Variants in APLP2 observed in about 807,000 individuals in gnomAD.
APLP2 encodes the protein CDEI box-binding protein.
Under a neutral mutation model 89.9 loss-of-function variants are expected in APLP2, and 53 were observed. The ratio of observed to expected loss-of-function variants is 0.59; its 90% CI spans 0.47 to 0.74. The LOEUF is 0.74. APLP2 is among the 30% of genes least tolerant of loss of function. APLP2 has a pLI of 0.00. For synonymous variants in APLP2, 372 were observed against 348.6 expected (o/e 1.07, Z -0.75); for missense variants, 973 against 975.9 (o/e 1.00, Z 0.04).
chr11:130,110,843 C>T (rs1348376973), intron 3 of APLP2, among the ~76,000 whole-genome samples, 182 bp downstream of exon 3: 1 of 152,134 alleles, frequency 6.6e-6, no homozygotes, highest in African/African-American at 2.4e-5. Flanking sequence ...GACCTCCTCT[C>T]AGTGATGGCT....
At chr11:130,070,938 A>AGGGGGC (rs1422606612) in intron 1 of APLP2, among the ~76,000 whole-genome samples, 4 of 42,746 alleles carry the variant, frequency 9.4e-5, no homozygotes, top group South Asian at 1.5e-3. Flanking sequence ...AGGCCGCGGG[A>AGGGGGC]GGGGGCGGGG....
At chr11:130,099,603 G>A (rs1389511977) in intron 1 of APLP2, among the ~76,000 whole-genome samples, 1 of 152,210 alleles carries the variant, frequency 6.6e-6, no homozygotes, top group South Asian at 2.1e-4. Context: ...TCTTTTAAAT[G>A]TATTAAATCA....
At chr11:130,119,618 C>G (rs1949598756) in intron 3 of APLP2, among the ~76,000 whole-genome samples, 1 of 152,156 alleles carries the variant, frequency 6.6e-6, no homozygotes, top group Non-Finnish European at 1.5e-5. Flanking sequence ...TATCTTTCTC[C>G]CGACTTTTTG....
chr11:130,113,489 T>C (rs1332412050), intron 3 of APLP2, among the ~76,000 whole-genome samples: 2 of 152,222 alleles, frequency 1.3e-5, no homozygotes, highest in African/African-American at 2.4e-5. Context: ...GACAACTTAG[T>C]AACCAGTCGG....
At chr11:130,086,089 C>G (rs1944066502) in intron 1 of APLP2, among the ~76,000 whole-genome samples, 1 of 152,212 alleles carries the variant, frequency 6.6e-6, no homozygotes, top group Non-Finnish European at 1.5e-5. Context: ...TATAGTAATT[C>G]TGTGCTTAAA....
intron 1 of APLP2, among the ~76,000 whole-genome samples, chr11:130,092,814 G>C (rs1945608403): frequency 6.6e-6 from 1 of 151,952 alleles, no homozygotes; most frequent in African/African-American, 2.4e-5. Flanking sequence ...GGAAGGGAGA[G>C]ATGCCTATGA....
intron 1 of APLP2, among the ~76,000 whole-genome samples, chr11:130,085,104 A>G (rs1028519594): frequency 1.3e-5 from 2 of 152,252 alleles, no homozygotes; most frequent in African/African-American, 4.8e-5. Context: ...ATGAAGAAAT[A>G]GAAAACTTGA....
rs530996420 is a variant in APLP2 at position 130,084,139 on chromosome 11, G to A, written c.105+14057G>A. Among the ~76,000 whole-genome samples, 130 of 152,168 alleles carry A rather than the reference G, an allele frequency of 8.5e-4. 2 individuals are homozygous for A. The Middle Eastern group carries it at 0.01, about 12-fold the overall frequency. Reference sequence around the variant, plus strand: ...CGGGTGCCTGTAGTCCCAGCTACTCGGGAGGCTGAGGCAGGAGAATGGCGT... The same window carrying A: ...CGGGTGCCTGTAGTCCCAGCTACTCAGGAGGCTGAGGCAGGAGAATGGCGT... On this transcript the variant is annotated intron_variant, in intron 1 of 16. Transcript: ENST00000338167.
rs565648156 is a variant in APLP2 at position 130,087,654 on chromosome 11, A to G, written c.105+17572A>G. 4.6e-5 allele frequency among the ~76,000 whole-genome samples: 7 copies of G among 152,342 alleles called. No homozygotes were observed. In the East Asian group the frequency reaches 1.4e-3, roughly 29 times the overall value. ...ATATTTAACACCATGGCAGGTTTCA[A>G]GTGAACCAAAAACCACATTTCATAG... On this transcript the variant is annotated intron_variant, in intron 1 of 16. Coordinates refer to ENST00000338167, the MANE Select transcript of APLP2 (RefSeq NM_001142276.2).
chr11:130,087,504 T>C (rs1002573809), intron 1 of APLP2, among the ~76,000 whole-genome samples: 4 of 152,118 alleles, frequency 2.6e-5, no homozygotes, highest in Non-Finnish European at 5.9e-5. Context: ...TGAGTATGGG[T>C]CTCCATTTTG....
At position 130,141,507 on chromosome 11, in the gene APLP2, G is replaced by C. The variant is rs776057355; in HGVS notation, c.1933G>C (p.Glu645Gln). Reference protein sequence around the residue: ...NKVDENMVIDETLDVKEMIFN... With the variant: ...NKVDENMVIDQTLDVKEMIFN... The stretch of plus-strand genomic sequence containing the variant: ...CTCATGACTGTTTCAGGTCATTGAC[G>C]AGACTCTGGATGTTAAGGAAATGAT... The change falls in exon 15 of 17, where the codon GAG becomes CAG. Residue 645 changes from glutamate to glutamine, a missense_variant. Transcript: ENST00000338167. This position sits in a 1 kb window ranked among gnomAD's most constrained non-coding sequence, Gnocchi z 4.2. 6.8e-6 allele frequency: 11 copies of C among 1,613,948 alleles called. No homozygotes were observed. The highest frequency in any genetic ancestry group is 5.9e-6 in the Non-Finnish European group (7 of 1,179,942).
chr11:130,129,986 T>A, intron 10 of APLP2, 52 bp from the exon 11 acceptor site: 2 of 1,585,624 alleles, frequency 1.3e-6, no homozygotes, highest in Non-Finnish European at 1.7e-6. Flanking sequence ...TTTTCCTGCC[T>A]ATTTTCAATT....
Position 130,076,855 on chromosome 11 carries a change from G to A in APLP2, c.105+6773G>A, listed in dbSNP as rs1024545861. Among the ~76,000 whole-genome samples the A allele has an allele frequency of 3.3e-5, 5 of 152,326 alleles. No individual in the cohort carries two copies. The East Asian group carries it at 7.7e-4, about 24-fold the overall frequency. ...CCCTCAGGTGTCACTGGATAGAAGT[G>A]TATCAGATGCTTCTAGCCAAAGCAA... On this transcript the variant is annotated intron_variant, in intron 1 of 16. Transcript: ENST00000338167.
At chr11:130,112,466 C>T (rs918005826) in intron 3 of APLP2, among the ~76,000 whole-genome samples, 6 of 152,134 alleles carry the variant, frequency 3.9e-5, no homozygotes, top group African/African-American at 1.4e-4. Context: ...GTTGTTGGGT[C>T]TAAGGTGACA....
intron 1 of APLP2, among the ~76,000 whole-genome samples, chr11:130,102,805 G>T (rs2135708430): frequency 1.3e-5 from 2 of 152,312 alleles, no homozygotes; most frequent in African/African-American, 4.8e-5. Context: ...TTACCAAGTT[G>T]AATTTCTGTC....
At chr11:130,073,532 A>G (rs1376995886) in intron 1 of APLP2, among the ~76,000 whole-genome samples, 1 of 152,218 alleles carries the variant, frequency 6.6e-6, no homozygotes, top group African/African-American at 2.4e-5. Context: ...TTTTCAATTA[A>G]AAATGTTTTA....
At chr11:130,104,085 C>T (rs553342951) in intron 1 of APLP2, among the ~76,000 whole-genome samples, 26 of 152,008 alleles carry the variant, frequency 1.7e-4, no homozygotes, top group South Asian at 1.5e-3. Context: ...TTTCAGTACA[C>T]GAAAATATCC....
intron 10 of APLP2, 136 bp downstream of exon 10, chr11:130,129,342 G>A: frequency 3.9e-6 from 4 of 1,019,066 alleles, no homozygotes; most frequent in South Asian, 3.4e-5. Context: ...TGATGAGGGA[G>A]GAAAAGGTAT....
In APLP2 at chr11:130,083,026, C is replaced by CTT. The variant is rs553962550; in HGVS notation, c.105+12970_105+12971dup. Among the ~76,000 whole-genome samples the CTT allele has an allele frequency of 1.3e-3, 96 of 72,514 alleles. 1 individual carries two copies. The highest frequency in any genetic ancestry group is 4.7e-3 in the East Asian group (10 of 2,116). 47.6% of individuals were successfully genotyped at this position (72,514 alleles called of 152,430 possible). On this transcript the variant is annotated intron_variant, in intron 1 of 16. Transcript: ENST00000338167. ...TATTAACCACTGAAACTTTTCTTTT[C>CTT]TTTTTTTTTTTTTTTTTTTTTTTTT...
Sources: allele counts gnomAD v4.1 joint callset (sites outside exome capture counted in the v4.1 genomes callset), GRCh38; gene constraint gnomAD v4.1.1; non-coding constraint Gnocchi (gnomAD v3.1); transcripts MANE v1.5; gene names NCBI Gene and HGNC (gene_info 2026-07-23, HGNC 2026-07-21).